The following PTPRG variants were observed in gnomAD, a reference collection of about 807,000 sequenced individuals.
The protein encoded by PTPRG is receptor-type tyrosine-protein phosphatase gamma.
A neutral mutation model predicts 165.3 loss-of-function variants in PTPRG; 102 were observed. The observed-to-expected ratio is 0.62, with a 90% confidence interval of 0.53 to 0.73. The LOEUF is 0.73. PTPRG is among the 30% of genes least tolerant of loss of function. The pLI, the probability that PTPRG is intolerant of heterozygous loss-of-function variation, is 0.00. For missense variants in PTPRG, 1,866 were observed against 1,861.4 expected, an observed-to-expected ratio of 1.00 and a Z score of -0.05; for synonymous variants, 675 against 669.5, an observed-to-expected ratio of 1.01 and a Z score of -0.13.
chr3:62,103,041 C>T (rs1702345531), intron 5 of PTPRG, among the ~76,000 whole-genome samples: 1 of 152,182 alleles, frequency 6.6e-6, no homozygotes, highest in Admixed American at 6.5e-5. Flanking sequence ...TTTATGACAT[C>T]CTGCTTCTCT....
intron 5 of PTPRG, among the ~76,000 whole-genome samples, chr3:62,105,613 A>G (rs546647474): frequency 6.6e-6 from 1 of 152,272 alleles, no homozygotes; most frequent in Admixed American, 6.5e-5. Flanking sequence ...TCTGGAGGAG[A>G]GGCTGATGGA....
chr3:61,790,591 A>G lies in PTPRG; in HGVS notation c.190+41609A>G, dbSNP rs577270603. On this transcript the variant is annotated intron_variant, in intron 2 of 29. Transcript: ENST00000474889. The stretch of plus-strand genomic sequence containing the variant: ...TTTGTGTATAAGTTTATAGATGTAT[A>G]CTTTCCCTATGTATACACATGAGGA... Among the ~76,000 whole-genome samples, 7 of 152,312 alleles carry G rather than the reference A, an allele frequency of 4.6e-5. No homozygotes were observed. The South Asian group carries it at 1.4e-3, about 32-fold the overall frequency.
At chr3:62,007,727 AT>A (rs2041329496) in intron 4 of PTPRG, among the ~76,000 whole-genome samples, 1 of 152,212 alleles carries the variant, frequency 6.6e-6, no homozygotes, top group Non-Finnish European at 1.5e-5. Context: ...GTAGAGGGAC[AT>A]TTTGATAGGG....
intron 5 of PTPRG, among the ~76,000 whole-genome samples, chr3:62,119,028 G>A (rs1702965240): frequency 6.6e-6 from 1 of 152,214 alleles, no homozygotes; most frequent in Admixed American, 6.5e-5. Context: ...TTGGCACTAA[G>A]ATAGAGCTGG....
chr3:61,991,826 C>T (rs569157729), intron 3 of PTPRG, among the ~76,000 whole-genome samples: 8 of 152,166 alleles, frequency 5.3e-5, no homozygotes, highest in Non-Finnish European at 1.2e-4. Context: ...AAAGATAACA[C>T]GTTTCATTGA....
intron 1 of PTPRG, among the ~76,000 whole-genome samples, chr3:61,585,927 G>T (rs1700424128): frequency 6.6e-6 from 1 of 152,176 alleles, no homozygotes; most frequent in African/African-American, 2.4e-5. Context: ...CCTACTGTGT[G>T]CCAGGTGCTG....
intron 1 of PTPRG, among the ~76,000 whole-genome samples, chr3:61,655,751 A>G (rs61109008): frequency 0.042 from 6,387 of 152,212 alleles, 295 homozygotes; most frequent in African/African-American, 0.11. Context: ...GACAACAGGC[A>G]TATGCCATCA....
Position 62,293,636 on chromosome 3 carries a change from G to T in PTPRG, c.*329G>T. 1 of 185,014 alleles carries T rather than the reference G, an allele frequency of 5.4e-6. No homozygotes were observed. Among genetic ancestry groups the T allele is most frequent in the Non-Finnish European group, 1.1e-5 (1 of 89,486 alleles). 11.5% of individuals were successfully genotyped at this position (185,014 alleles called of 1,614,324 possible). On this transcript the variant is annotated 3_prime_UTR_variant, in exon 30 of 30. Transcript: ENST00000474889. The stretch of plus-strand genomic sequence containing the variant: ...CTTTTTTTTAGTTCAATACAGTGAA[G>T]GTCTTTGTTATGACAGTGAATATTG...
At position 61,704,140 on chromosome 3, in the gene PTPRG, T is replaced by C. The variant is rs970790357; in HGVS notation, c.86-44738T>C. On this transcript the variant is annotated intron_variant, in intron 1 of 29. Transcript: ENST00000474889. The stretch of plus-strand genomic sequence containing the variant: ...TGGTTGTCTGCAAGGCCAGGTAGTA[T>C]ATAAGGAGAGGCACAAATTGGTTGT... Among the ~76,000 whole-genome samples the C allele has an allele frequency of 2.0e-5, 3 of 152,042 alleles. No individual in the cohort carries two copies. The East Asian group carries it at 5.8e-4, about 29-fold the overall frequency.
At chr3:62,260,186 T>C (rs1478911827) in intron 16 of PTPRG, among the ~76,000 whole-genome samples, 1 of 152,178 alleles carries the variant, frequency 6.6e-6, no homozygotes, top group Non-Finnish European at 1.5e-5. Context: ...TTTACCACAA[T>C]TGTAGGCTGC....
chr3:61,674,382 G>A (rs1396648927), intron 1 of PTPRG, among the ~76,000 whole-genome samples: 1 of 151,436 alleles, frequency 6.6e-6, no homozygotes, highest in East Asian at 1.9e-4. Flanking sequence ...AGCTACTCAG[G>A]AGGCTGAGGT....
At chr3:61,910,572 C>T (rs2038776515) in intron 2 of PTPRG, among the ~76,000 whole-genome samples, 2 of 152,148 alleles carry the variant, frequency 1.3e-5, no homozygotes, top group Admixed American at 1.3e-4. Context: ...CCTTTCTATG[C>T]TGGTAGTGAC....
intron 14 of PTPRG, among the ~76,000 whole-genome samples, chr3:62,239,356 C>CTTTTTTTT: frequency 7.2e-6 from 1 of 138,868 alleles, no homozygotes; most frequent in South Asian, 2.3e-4. Context: ...TTTCTTTTTT[C>CTTTTTTTT]TTTCTTTTTT....
At chr3:61,862,544 C>T (rs1482034819) in intron 2 of PTPRG, among the ~76,000 whole-genome samples, 7 of 151,974 alleles carry the variant, frequency 4.6e-5, no homozygotes, top group African/African-American at 7.3e-5. Context: ...TGCACCACCA[C>T]GCCCAGCACG....
chr3:62,078,156 C>G lies in PTPRG; in HGVS notation c.520-7C>G, dbSNP rs757324059. On this transcript the variant is annotated splice_region_variant and splice_polypyrimidine_tract_variant and intron_variant, in intron 4 of 29. Coordinates refer to ENST00000474889, the MANE Select transcript of PTPRG (RefSeq NM_002841.4). Reference sequence around the variant, plus strand: ...TTCCTAATACATTTTTTTAATTGTTCTTACAGATGCAGATTTTCTTTTACA... The same window carrying G: ...TTCCTAATACATTTTTTTAATTGTTGTTACAGATGCAGATTTTCTTTTACA... 9.6e-6 allele frequency: 15 copies of G among 1,566,446 alleles called. No individual in the cohort carries two copies. Among genetic ancestry groups the G allele is most frequent in the Non-Finnish European group, 1.3e-5 (15 of 1,146,856 alleles).
chr3:61,680,230 A>G (rs543148077), intron 1 of PTPRG, among the ~76,000 whole-genome samples: 1 of 152,160 alleles, frequency 6.6e-6, no homozygotes, highest in South Asian at 2.1e-4. Flanking sequence ...TCACTCTCCA[A>G]AGAGTCCCTG....
At chr3:62,084,306 C>T (rs1701676410) in intron 5 of PTPRG, among the ~76,000 whole-genome samples, 1 of 152,206 alleles carries the variant, frequency 6.6e-6, no homozygotes, top group East Asian at 1.9e-4. Context: ...AACTCTACTG[C>T]AGTTTCCTCA....
rs1418049297 is a variant in PTPRG at position 62,269,102 on chromosome 3, A to G, written c.2942A>G (p.Lys981Arg). 6.2e-7 allele frequency: 1 copy of G among 1,609,344 alleles called. No homozygotes were observed. The change falls in exon 20 of 30, where the codon AAG becomes AGG. Residue 981 changes from lysine to arginine, a missense_variant. Transcript: ENST00000474889. ...EEYGNIIVTL[K>R]STKIHACYTV... ...TATGGAAACATTATTGTCACGCTGA[A>G]GAGCACAAAAATACATGCCTGCTAC...
intron 1 of PTPRG, among the ~76,000 whole-genome samples, chr3:61,735,649 AAG>A (rs2106853877): frequency 6.6e-6 from 1 of 152,182 alleles, no homozygotes; most frequent in South Asian, 2.1e-4. Context: ...TGGAGTGAGG[AAG>A]AGAGCAGTGT....
Sources: allele counts gnomAD v4.1 joint callset (sites outside exome capture counted in the v4.1 genomes callset), GRCh38; gene constraint gnomAD v4.1.1; transcripts MANE v1.5; gene names NCBI Gene and HGNC (gene_info 2026-07-23, HGNC 2026-07-21).